The following VIT variants were observed in gnomAD, a reference collection of about 807,000 sequenced individuals.
The protein encoded by VIT is vitrin.
In VIT, 99 loss-of-function variants were observed where a neutral mutation model predicts 78.0. That is an observed-to-expected ratio of 1.27 (90% CI 1.08 to 1.50). The LOEUF is 1.50. Ranked by LOEUF, VIT falls within the 40% of genes most tolerant of loss-of-function variation. The pLI, the probability that VIT is intolerant of heterozygous loss-of-function variation, is 0.00. For synonymous variants in VIT, 374 were observed against 334.3 expected, an observed-to-expected ratio of 1.12 and a Z score of -1.29; for missense variants, 1,126 against 875.3, an observed-to-expected ratio of 1.29 and a Z score of -3.61.
chr2:36,774,458 C>G (rs1462536737), intron 8 of VIT: 12 of 977,848 alleles, frequency 1.2e-5, no homozygotes, highest in Non-Finnish European at 1.2e-5. Context: ...ACAGCCCGGT[C>G]TATGAGCTGA....
At chr2:36,787,783 C>A in intron 12 of VIT, 2 of 453,588 alleles carry the variant, frequency 4.4e-6, no homozygotes, top group Non-Finnish European at 8.8e-6. Flanking sequence ...CTCCAAATAA[C>A]CTTAGGCCCC....
intron 13 of VIT, among the ~76,000 whole-genome samples, chr2:36,803,603 T>A (rs1305267932): frequency 1.3e-5 from 2 of 152,088 alleles, no homozygotes; most frequent in Non-Finnish European, 2.9e-5. Flanking sequence ...GCAGCCAAGG[T>A]TTTTCCTTAG....
In VIT at chr2:36,788,749, G is replaced by A. The variant is rs149988729; in HGVS notation, c.1058+1473G>A. Among the ~76,000 whole-genome samples, 653 of 152,280 alleles carry A rather than the reference G, an allele frequency of 4.3e-3. 6 individuals carry two copies. The highest frequency in any genetic ancestry group is 0.015 in the African/African-American group (630 of 41,548). ...ATGTCCTTAGTCAGTTTTACTGGGA[G>A]GCTCAAAGCTTGATGTGTTATCTTG... On this transcript the variant is annotated intron_variant, in intron 12 of 15. Coordinates refer to ENST00000379242, the MANE Select transcript of VIT (RefSeq NM_053276.4).
chr2:36,739,740 C>T (rs376477251), intron 3 of VIT, among the ~76,000 whole-genome samples: 2 of 152,018 alleles, frequency 1.3e-5, no homozygotes, highest in Admixed American at 1.3e-4. Context: ...TCATATGAGA[C>T]GGTGGGTGGG....
intron 9 of VIT, among the ~76,000 whole-genome samples, chr2:36,778,611 C>T (rs182435753): frequency 3.9e-5 from 6 of 152,344 alleles, no homozygotes; most frequent in Non-Finnish European, 7.3e-5. Context: ...GGACTGTCGA[C>T]GCTTTGTTGG....
intron 1 of VIT, among the ~76,000 whole-genome samples, chr2:36,699,659 T>TAGAC (rs1235593318): frequency 6.6e-6 from 1 of 151,810 alleles, no homozygotes; most frequent in African/African-American, 2.4e-5. Flanking sequence ...GATAGATAGA[T>TAGAC]AGATAGATAT....
At chr2:36,760,957 C>A (rs186801509) in intron 6 of VIT, among the ~76,000 whole-genome samples, 90 of 152,270 alleles carry the variant, frequency 5.9e-4, no homozygotes, top group African/African-American at 2.1e-3. Flanking sequence ...AGCTGCACCC[C>A]TCCCCCTCTC....
chr2:36,790,564 G>C (rs965812677), intron 12 of VIT, among the ~76,000 whole-genome samples: 1 of 152,212 alleles, frequency 6.6e-6, no homozygotes, highest in East Asian at 1.9e-4. Flanking sequence ...CTCATCACAC[G>C]CCTCCAGGAA....
chr2:36,787,297 G>A, intron 12 of VIT, 21 bp downstream of exon 12: 1 of 1,597,846 alleles, frequency 6.3e-7, no homozygotes, highest in Non-Finnish European at 8.5e-7. Flanking sequence ...TTAATGTTCT[G>A]AATCCAGAAA....
At chr2:36,775,981 T>C (rs988370880) in intron 9 of VIT, among the ~76,000 whole-genome samples, 1 of 152,204 alleles carries the variant, frequency 6.6e-6, no homozygotes, top group East Asian at 1.9e-4. Context: ...AGCTGCCCAG[T>C]TCCTCAGCTA....
At chr2:36,711,579 A>G (rs767298673) in intron 1 of VIT, among the ~76,000 whole-genome samples, 1 of 152,206 alleles carries the variant, frequency 6.6e-6, no homozygotes, top group Non-Finnish European at 1.5e-5. Flanking sequence ...CATCCTGCAC[A>G]AGTGTACTGT....
At chr2:36,723,410 T>C (rs11891706) in intron 2 of VIT, among the ~76,000 whole-genome samples, 1 of 152,146 alleles carries the variant, frequency 6.6e-6, no homozygotes, top group Non-Finnish European at 1.5e-5. Context: ...TGGCCCTGCC[T>C]GCTTATACTT....
chr2:36,725,462 C>T (rs1005214421), intron 2 of VIT, among the ~76,000 whole-genome samples: 1 of 152,022 alleles, frequency 6.6e-6, no homozygotes, highest in Non-Finnish European at 1.5e-5. Flanking sequence ...GGCAAACTAG[C>T]TCTCTGGGGC....
At chr2:36,731,451 T>C (rs1446585989) in intron 3 of VIT, among the ~76,000 whole-genome samples, 2 of 151,902 alleles carry the variant, frequency 1.3e-5, no homozygotes, top group Admixed American at 6.6e-5. Flanking sequence ...TTTTTTGTAT[T>C]TTTAGTAGAA....
At chr2:36,707,231 C>G (rs186271096) in intron 1 of VIT, among the ~76,000 whole-genome samples, 5 of 152,280 alleles carry the variant, frequency 3.3e-5, no homozygotes, top group African/African-American at 4.8e-5. Flanking sequence ...GCCCAGCCCC[C>G]AGGCACAAGA....
chr2:36,734,215 G>A (rs988591626), intron 3 of VIT, among the ~76,000 whole-genome samples: 3 of 152,102 alleles, frequency 2.0e-5, no homozygotes, highest in Non-Finnish European at 2.9e-5. Context: ...AGACAAAGGC[G>A]TCTTACAAAT....
intron 7 of VIT, among the ~76,000 whole-genome samples, chr2:36,773,319 T>A (rs552923426): frequency 9.7e-4 from 120 of 124,000 alleles, no homozygotes; most frequent in Admixed American, 3.3e-3. Flanking sequence ...GGTTAAATAC[T>A]CTTTTTTTTT....
chr2:36,812,787 G>A (rs1482552833), intron 15 of VIT, among the ~76,000 whole-genome samples: 3 of 151,520 alleles, frequency 2.0e-5, no homozygotes, highest in Non-Finnish European at 4.4e-5. Context: ...TAGTTCATTT[G>A]GTTTCTTTGG....
At chr2:36,755,518 A>T (rs759568325) in intron 5 of VIT, among the ~76,000 whole-genome samples, 38 of 152,140 alleles carry the variant, frequency 2.5e-4, no homozygotes, top group Non-Finnish European at 5.0e-4. Context: ...TGGTGATGCT[A>T]AGTTTGATTC....
Sources: allele counts gnomAD v4.1 joint callset (sites outside exome capture counted in the v4.1 genomes callset), GRCh38; gene constraint gnomAD v4.1.1; transcripts MANE v1.5; gene names NCBI Gene and HGNC (gene_info 2026-07-23, HGNC 2026-07-21).